The following RAB8B variants were observed in gnomAD, a reference collection of about 807,000 sequenced individuals.
RAB8B encodes RAB8B, member RAS oncogene family, also known as ras-related protein Rab-8B.
Under a neutral mutation model 32.0 loss-of-function variants are expected in RAB8B, and 11 were observed. The ratio of observed to expected loss-of-function variants is 0.34; its 90% CI spans 0.22 to 0.57. The LOEUF is 0.57. Ranked by LOEUF, RAB8B falls within the 20% of genes least tolerant of loss-of-function variation. RAB8B has a pLI of 0.86. For missense variants in RAB8B, 190 were observed against 258.5 expected, an observed-to-expected ratio of 0.73 and a Z score of 1.82; for synonymous variants, 103 against 89.6, an observed-to-expected ratio of 1.15 and a Z score of -0.85.
At position 63,267,423 on chromosome 15, in the gene RAB8B, T is replaced by G. The variant is rs1200365650; in HGVS notation, c.*3804T>G. 2 of 152,552 alleles carry G rather than the reference T, an allele frequency of 1.3e-5. No individual in the cohort carries two copies. Among genetic ancestry groups the G allele is most frequent in the Non-Finnish European group, 2.9e-5 (2 of 68,050 alleles). 9.4% of individuals were successfully genotyped at this position (152,552 alleles called of 1,614,324 possible). A position where few individuals can be genotyped will look rare whatever the true frequency, so the allele number is the denominator to read the frequency against. On this transcript the variant is annotated 3_prime_UTR_variant, in exon 8 of 8. Coordinates refer to ENST00000321437, the MANE Select transcript of RAB8B (RefSeq NM_016530.3). ...GAATTTAGTTATTATAGTTCAATTT[T>G]ATGGCCTTACAGATGGCTTTTATTT... is the stretch of plus-strand genomic sequence containing the variant.
intron 4 of RAB8B, among the ~76,000 whole-genome samples, chr15:63,255,839 T>C (rs1479069895): frequency 1.3e-5 from 2 of 152,232 alleles, no homozygotes; most frequent in African/African-American, 4.8e-5. Context: ...GATCACATTT[T>C]ACACATGAAT....
In RAB8B at chr15:63,263,748, C is replaced by A; in HGVS notation, c.*129C>A. On this transcript the variant is annotated 3_prime_UTR_variant, in exon 8 of 8. Coordinates refer to ENST00000321437, the MANE Select transcript of RAB8B (RefSeq NM_016530.3). Reference sequence around the variant, plus strand: ...AGAGCACCACTGAACTTAGACCTCTCAACACAGTATGCCAAGTGGATTCCA... The same window carrying A: ...AGAGCACCACTGAACTTAGACCTCTAAACACAGTATGCCAAGTGGATTCCA... 4.5e-6 allele frequency: 3 copies of A among 660,296 alleles called. No individual in the cohort carries two copies. Among genetic ancestry groups the A allele is most frequent in the South Asian group, 4.0e-5 (2 of 50,142 alleles). The allele number at this position is 660,296 out of a possible 1,614,324, so 40.9% of individuals were successfully genotyped here.
At chr15:63,257,257 C>G (rs938746721) in intron 5 of RAB8B, among the ~76,000 whole-genome samples, 1 of 147,798 alleles carries the variant, frequency 6.8e-6, no homozygotes, top group Non-Finnish European at 1.5e-5. Context: ...AATGCATTTT[C>G]TTTTCTTTTT....
chr15:63,193,065 G>A (rs1182382016), intron 1 of RAB8B, among the ~76,000 whole-genome samples: 1 of 151,958 alleles, frequency 6.6e-6, no homozygotes, highest in East Asian at 1.9e-4. Flanking sequence ...TCTACAAAAA[G>A]TAAATTAAAA....
At chr15:63,242,199 A>G (rs546333570) in intron 1 of RAB8B, among the ~76,000 whole-genome samples, 1 of 151,976 alleles carries the variant, frequency 6.6e-6, no homozygotes, top group Admixed American at 6.6e-5. Flanking sequence ...CTATTTCAAG[A>G]CACAAGAGTA....
chr15:63,209,888 T>C (rs976772432), intron 1 of RAB8B, among the ~76,000 whole-genome samples: 1 of 152,196 alleles, frequency 6.6e-6, no homozygotes, highest in East Asian at 1.9e-4. Context: ...CTCCTAATGC[T>C]CTGCCTCCCC....
At chr15:63,198,176 T>C (rs2141107574) in intron 1 of RAB8B, among the ~76,000 whole-genome samples, 1 of 152,280 alleles carries the variant, frequency 6.6e-6, no homozygotes, top group South Asian at 2.1e-4. Flanking sequence ...GGGACTTCCT[T>C]TGGGAGGCCG....
intron 1 of RAB8B, among the ~76,000 whole-genome samples, chr15:63,222,303 G>A (rs888935805): frequency 2.6e-5 from 4 of 152,092 alleles, no homozygotes; most frequent in African/African-American, 9.7e-5. Flanking sequence ...CCCTGCTGTT[G>A]TCATCTCTTC....
At chr15:63,222,102 A>G (rs1027821888) in intron 1 of RAB8B, among the ~76,000 whole-genome samples, 6 of 152,212 alleles carry the variant, frequency 3.9e-5, no homozygotes, top group African/African-American at 1.2e-4. Context: ...CAAGAGGAGA[A>G]AGGGAGAAAC....
intron 3 of RAB8B, among the ~76,000 whole-genome samples, chr15:63,253,922 T>C (rs1342797833): frequency 6.6e-6 from 1 of 152,140 alleles, no homozygotes; most frequent in African/African-American, 2.4e-5. Flanking sequence ...AAATAGAAGA[T>C]TCAGAGGAGA....
rs757015515 is a variant in RAB8B at position 63,240,639 on chromosome 15, T to TGG, written c.125-4117_125-4116insGG. Among the ~76,000 whole-genome samples the TGG allele has an allele frequency of 2.0e-5, 3 of 152,134 alleles. No individual in the cohort carries two copies. The East Asian group carries it at 5.8e-4, about 29-fold the overall frequency. ...CCATATGGTGCTAATTTGACTTTGT[T>TGG]CTGCAGCCGTTGTCTGTCAGTTGGC... is the stretch of plus-strand genomic sequence containing the variant. On this transcript the variant is annotated intron_variant, in intron 1 of 7. Transcript: ENST00000321437.
rs979691740 is a variant in RAB8B, at chr15:63,245,903, G to A, written c.185+1087G>A. On this transcript the variant is annotated intron_variant, in intron 2 of 7. Transcript: ENST00000321437. ...AATTTTTTTTTTGAGACAGAGTTTC[G>A]CTCTTGTTGCCCAAGCTGTGGTGCA... 1.5e-4 allele frequency among the ~76,000 whole-genome samples: 22 copies of A among 151,708 alleles called. No individual in the cohort carries two copies. In the East Asian group the frequency reaches 2.7e-3, roughly 19 times the overall value.
At chr15:63,200,132 A>G (rs760443094) in intron 1 of RAB8B, among the ~76,000 whole-genome samples, 3 of 152,208 alleles carry the variant, frequency 2.0e-5, no homozygotes, top group Non-Finnish European at 2.9e-5. Flanking sequence ...TGGCTGCAGC[A>G]TTCTGTGAGT....
At chr15:63,256,701 C>G (rs1447803230) in intron 5 of RAB8B, 107 bp downstream of exon 5, 1 of 799,678 alleles carries the variant, frequency 1.3e-6, no homozygotes, top group Non-Finnish European at 1.9e-6. Flanking sequence ...GTTTTAATCC[C>G]TTTAAATTGG....
intron 5 of RAB8B, among the ~76,000 whole-genome samples, chr15:63,257,262 C>CTTTTT (rs554753766): frequency 3.6e-5 from 5 of 139,504 alleles, no homozygotes; most frequent in African/African-American, 7.8e-5. Flanking sequence ...ATTTTCTTTT[C>CTTTTT]TTTTTTTTTT....
At chr15:63,238,880 A>G (rs2038007426) in intron 1 of RAB8B, among the ~76,000 whole-genome samples, 1 of 152,214 alleles carries the variant, frequency 6.6e-6, no homozygotes, top group Non-Finnish European at 1.5e-5. Flanking sequence ...TGACATTCCC[A>G]TGGTTATAAG....
Position 63,230,002 on chromosome 15 carries a change from A to G in RAB8B, c.125-14754A>G, listed in dbSNP as rs143235278. Among the ~76,000 whole-genome samples the G allele has an allele frequency of 1.8e-4, 28 of 152,162 alleles. No homozygotes were observed. In the East Asian group the frequency reaches 5.4e-3, roughly 29 times the overall value. ...GCTTACAAATCAGGAGGATGTAGTC[A>G]CTGGTAGTTTTTCATTATTGATTGG... On this transcript the variant is annotated intron_variant, in intron 1 of 7. Transcript: ENST00000321437.
chr15:63,227,232 TG>T (rs780711947), intron 1 of RAB8B, among the ~76,000 whole-genome samples: 16 of 152,228 alleles, frequency 1.1e-4, no homozygotes, highest in Non-Finnish European at 2.1e-4. Flanking sequence ...GGAGTTGCTC[TG>T]GTTCACACGC....
chr15:63,249,838 T>C, intron 3 of RAB8B, 133 bp downstream of exon 3: 2 of 1,026,352 alleles, frequency 1.9e-6, no homozygotes, highest in Non-Finnish European at 2.8e-6. Context: ...AACAAGACAT[T>C]TAAAAGGTTT....
Sources: gnomAD v4.1 joint callset for allele counts (sites outside exome capture counted in the v4.1 genomes callset) on GRCh38, gnomAD v4.1.1 for gene constraint, MANE v1.5 for transcripts, NCBI Gene and HGNC (gene_info 2026-07-23, HGNC 2026-07-21) for gene names.